The following GLS2 variants were observed in gnomAD, a reference collection of about 807,000 sequenced individuals.
GLS2 encodes the protein glutaminase 2, also known as glutaminase liver isoform, mitochondrial.
Under a neutral mutation model 79.0 loss-of-function variants are expected in GLS2, and 52 were observed. The observed-to-expected ratio is 0.66, with a 90% CI of 0.53 to 0.83. GLS2 has a LOEUF of 0.83. Among genes scored for constraint, GLS2 ranks in the 40% least tolerant of loss-of-function variants. The pLI is 0.00. For synonymous variants in GLS2, 238 were observed against 280.8 expected (o/e 0.85, Z 1.52); for missense variants, 561 against 764.8 (o/e 0.73, Z 3.14).
rs752875915 is a variant in GLS2 at position 56,471,663 on chromosome 12, G to A, written c.1653-20C>T. On this transcript the variant is annotated intron_variant, in intron 17 of 17. Transcript: ENST00000311966. ...CCCCACCTGAGAGGAATAATGATAT[G>A]ATCAGGCAAAGGAGACGTGGAGAGT... The A allele has an allele frequency of 6.2e-7, 1 of 1,613,682 alleles. No individual in the cohort carries two copies. Among genetic ancestry groups the A allele is most frequent in the Non-Finnish European group, 8.5e-7 (1 of 1,179,674 alleles).
chr12:56,471,656 A>G lies in GLS2; in HGVS notation c.1653-13T>C, dbSNP rs754323547. On this transcript the variant is annotated splice_polypyrimidine_tract_variant and intron_variant, in intron 17 of 17. Transcript: ENST00000311966. ...AATGTTGCCCCACCTGAGAGGAATAATGATATGATCAGGCAAAGGAGACGT... is the reference window on the plus strand; with the variant it reads ...AATGTTGCCCCACCTGAGAGGAATAGTGATATGATCAGGCAAAGGAGACGT... 28 of 1,613,936 alleles carry G rather than the reference A, an allele frequency of 1.7e-5. No individual in the cohort carries two copies. In the South Asian group the frequency reaches 3.1e-4, roughly 18 times the overall value.
At chr12:56,485,723 C>T (rs1418755350) in intron 1 of GLS2, among the ~76,000 whole-genome samples, 1 of 152,020 alleles carries the variant, frequency 6.6e-6, no homozygotes, top group Non-Finnish European at 1.5e-5. Flanking sequence ...ATATTTTCCT[C>T]TTGATACTCT....
At chr12:56,472,357 C>A in intron 15 of GLS2, 162 bp from the exon 16 acceptor site, 2 of 634,512 alleles carry the variant, frequency 3.2e-6, no homozygotes, top group Non-Finnish European at 5.5e-6. Context: ...CCAGATGAGA[C>A]TGTTATACTC....
At chr12:56,478,597 C>T in intron 4 of GLS2, 1 of 314,386 alleles carries the variant, frequency 3.2e-6, no homozygotes, top group Non-Finnish European at 6.0e-6. Context: ...CTCACCTGCT[C>T]TAGGAATCGT....
chr12:56,487,875 T>C, intron 1 of GLS2, 62 bp downstream of exon 1: 6 of 1,534,542 alleles, frequency 3.9e-6, no homozygotes, highest in Non-Finnish European at 5.2e-6. Context: ...ACTCGGGAAC[T>C]AGCGAGAACC....
intron 1 of GLS2, among the ~76,000 whole-genome samples, chr12:56,483,613 T>G (rs867578725): frequency 6.6e-6 from 1 of 151,942 alleles, no homozygotes; most frequent in Non-Finnish European, 1.5e-5. Context: ...GTATTTATGT[T>G]TGTTTGTTTG....
chr12:56,473,009 C>G, intron 14 of GLS2: 1 of 595,868 alleles, frequency 1.7e-6, no homozygotes. Context: ...CCTGCCTCAG[C>G]CTCCCAAGTA....
At chr12:56,480,020 A>G (rs569092377) in intron 2 of GLS2, 119 bp from the exon 3 acceptor site, 2 of 1,327,454 alleles carry the variant, frequency 1.5e-6, no homozygotes, top group Non-Finnish European at 2.1e-6. Context: ...GGTGGAACAA[A>G]TGGGTTTGGA....
intron 16 of GLS2, 88 bp from the exon 17 acceptor site, chr12:56,471,924 G>C (rs575726461): frequency 4.2e-5 from 61 of 1,438,080 alleles, no homozygotes; most frequent in Middle Eastern, 4.7e-4. Context: ...TTTACCAAGA[G>C]GGGAGGGGAA....
chr12:56,475,530 TA>T, intron 9 of GLS2, 93 bp downstream of exon 9: 1 of 1,326,988 alleles, frequency 7.5e-7, no homozygotes, highest in Non-Finnish European at 1.1e-6. Flanking sequence ...TTCTTCCTCC[TA>T]AGATTCTCTC....
chr12:56,474,981 C>T (rs1869673019), intron 10 of GLS2, 63 bp downstream of exon 10: 5 of 1,613,852 alleles, frequency 3.1e-6, no homozygotes, highest in Non-Finnish European at 4.2e-6. Flanking sequence ...CCCCCAACCC[C>T]TACTGCCCTT....
At chr12:56,486,351 G>C (rs931272241) in intron 1 of GLS2, among the ~76,000 whole-genome samples, 1 of 152,198 alleles carries the variant, frequency 6.6e-6, no homozygotes, top group African/African-American at 2.4e-5. Context: ...CTCTGCAGAA[G>C]GCGGACAGAT....
At position 56,488,158 on chromosome 12, in the gene GLS2, C is replaced by T. The variant is rs562680075; in HGVS notation, c.-40G>A. 1.1e-4 allele frequency: 161 copies of T among 1,500,672 alleles called. 1 individual carries two copies. In the African/African-American group the frequency reaches 2.1e-3, roughly 19 times the overall value. 93.0% of individuals were successfully genotyped at this position (1,500,672 alleles called of 1,614,324 possible). ...CCGGCTCTGCAGGTGCGCCCGGGAC[C>T]TCTAGCTGTGGCTGGGAAGGAGGGG... On this transcript the variant is annotated 5_prime_UTR_variant, in exon 1 of 18. Transcript: ENST00000311966.
intron 3 of GLS2, 173 bp from the exon 4 acceptor site, chr12:56,479,354 T>A: frequency 1.4e-6 from 1 of 693,026 alleles, no homozygotes; most frequent in Non-Finnish European, 2.2e-6. Flanking sequence ...TCCGTACCTC[T>A]AAAATGAGGG....
intron 7 of GLS2, chr12:56,477,396 T>G: frequency 3.0e-6 from 1 of 335,064 alleles, no homozygotes; most frequent in Non-Finnish European, 5.5e-6. Context: ...CTCACTTCTC[T>G]AAGGGTCAGA....
At chr12:56,473,751 T>A in intron 12 of GLS2, 157 bp from the exon 13 acceptor site, 1 of 810,256 alleles carries the variant, frequency 1.2e-6, no homozygotes, top group Non-Finnish European at 1.8e-6. Context: ...ATTACTCCTG[T>A]CCTTTCCTTC....
In GLS2 at chr12:56,476,590, AT is replaced by A. The variant is rs761969192; in HGVS notation, c.838-614del. On this transcript the variant is annotated intron_variant, in intron 7 of 17. Transcript: ENST00000311966. ...GCAACATAGGAGAGACCCTGCCTCA[AT>A]TTTTTTTTTTTTTTTTTTTTGAGAT... 364 of 125,956 alleles carry A rather than the reference AT, an allele frequency of 2.9e-3. 1 individual carries two copies. The highest frequency in any genetic ancestry group is 5.6e-3 in the African/African-American group (186 of 33,098). 7.8% of individuals were successfully genotyped at this position (125,956 alleles called of 1,614,324 possible).
chr12:56,471,379 G>T lies in GLS2; in HGVS notation c.*108C>A. 8.4e-7 allele frequency: 1 copy of T among 1,187,560 alleles called. No individual in the cohort carries two copies. Among genetic ancestry groups the T allele is most frequent in the Non-Finnish European group, 1.2e-6 (1 of 861,750 alleles). The allele number at this position is 1,187,560 out of a possible 1,614,324, so 73.6% of individuals were successfully genotyped here. ...AGCCTAAGTCACCAAATGACTGCTTGGTCCCCACTGAAGCAGTGTAGCTCT... is the reference window on the plus strand; with the variant it reads ...AGCCTAAGTCACCAAATGACTGCTTTGTCCCCACTGAAGCAGTGTAGCTCT... On this transcript the variant is annotated 3_prime_UTR_variant, in exon 18 of 18. Coordinates refer to ENST00000311966, the MANE Select transcript of GLS2 (RefSeq NM_013267.4).
Position 56,471,608 on chromosome 12 carries a change from A to C in GLS2, c.1688T>G (p.Phe563Cys). The C allele has an allele frequency of 1.2e-6, 2 of 1,614,146 alleles. No individual in the cohort carries two copies. The highest frequency in any genetic ancestry group is 2.2e-5 in the South Asian group (2 of 91,078). The change falls in exon 18 of 18, where the codon TTC becomes TGC. Residue 563 changes from phenylalanine (F) to cysteine (C), a missense_variant. Phe to Cys is a radical substitution (Grantham distance 205). Transcript: ENST00000311966. ...GNIPLDDAVQ[F>C]NHLEVVKLLQ... ...CAGTTTGACCACCTCCAGATGGTTGAACTGCACAGCATCATCCAGGGGAAT... is the reference window on the plus strand; with the variant it reads ...CAGTTTGACCACCTCCAGATGGTTGCACTGCACAGCATCATCCAGGGGAAT...
Sources: gnomAD v4.1 joint callset for allele counts (sites outside exome capture counted in the v4.1 genomes callset) on GRCh38, gnomAD v4.1.1 for gene constraint, MANE v1.5 for transcripts, NCBI Gene and HGNC (gene_info 2026-07-23, HGNC 2026-07-21) for gene names.